Variants in MDGA2 observed in about 807,000 individuals in gnomAD.
MDGA2 encodes MAM domain-containing glycosylphosphatidylinositol anchor protein 2.
Under a neutral mutation model 117.8 loss-of-function variants are expected in MDGA2, and 40 were observed. The ratio of observed to expected loss-of-function variants is 0.34; its 90% CI spans 0.26 to 0.44. The LOEUF is 0.44. MDGA2 is among the 20% of genes least tolerant of loss of function. The pLI, the probability that MDGA2 is intolerant of heterozygous loss-of-function variation, is 1.00. For missense variants in MDGA2, 1,123 were observed against 1,250.6 expected (o/e 0.90, Z 1.54); for synonymous variants, 452 against 439.0 (o/e 1.03, Z -0.37).
chr14:46,954,104 G>C (rs1026896863), intron 9 of MDGA2, among the ~76,000 whole-genome samples: 1 of 151,990 alleles, frequency 6.6e-6, no homozygotes, highest in African/African-American at 2.4e-5. Flanking sequence ...GTCTACTGAT[G>C]TAGGTGACCT....
chr14:47,456,031 A>G (rs1234507435), intron 1 of MDGA2, among the ~76,000 whole-genome samples: 1 of 151,834 alleles, frequency 6.6e-6, no homozygotes, highest in Admixed American at 6.6e-5. Context: ...AATAAAATAA[A>G]AATTAAAATA....
At chr14:47,186,306 A>G (rs1422862670) in intron 3 of MDGA2, among the ~76,000 whole-genome samples, 2 of 151,704 alleles carry the variant, frequency 1.3e-5, no homozygotes, top group African/African-American at 4.8e-5. Context: ...AATTTGGCTT[A>G]TTAATTTTAA....
chr14:47,648,775 TTAAAA>T lies in MDGA2; in HGVS notation c.280+25737_280+25741del, dbSNP rs900882298. Reference sequence around the variant, plus strand: ...ATATTTTGACCTAATTGAAGTGTTCTTAAAATAAAGTTCATAAGAAAGTGTTCATA... The same window carrying T: ...ATATTTTGACCTAATTGAAGTGTTCTTAAAGTTCATAAGAAAGTGTTCATA... On this transcript the variant is annotated intron_variant, in intron 1 of 16. Coordinates refer to ENST00000399232, the MANE Select transcript of MDGA2 (RefSeq NM_001113498.3). Among the ~76,000 whole-genome samples, 4 of 152,172 alleles carry T rather than the reference TTAAAA, an allele frequency of 2.6e-5. No individual in the cohort carries two copies. The East Asian group carries it at 7.7e-4, about 29-fold the overall frequency.
chr14:47,053,345 A>G (rs1889523844), intron 7 of MDGA2, among the ~76,000 whole-genome samples: 1 of 151,636 alleles, frequency 6.6e-6, no homozygotes, highest in South Asian at 2.1e-4. Flanking sequence ...GATCATCAGA[A>G]CTGATTTTCT....
chr14:47,557,382 A>G (rs1216202978), intron 1 of MDGA2, among the ~76,000 whole-genome samples: 1 of 152,164 alleles, frequency 6.6e-6, no homozygotes, highest in Non-Finnish European at 1.5e-5. Context: ...TCTCTGGGAA[A>G]ATTTAAGGGT....
intron 9 of MDGA2, among the ~76,000 whole-genome samples, chr14:46,924,772 A>C (rs1290286915): frequency 6.6e-6 from 1 of 152,138 alleles, no homozygotes; most frequent in East Asian, 1.9e-4. Context: ...TCTTTCATCT[A>C]GAAATGCTAG....
intron 6 of MDGA2, among the ~76,000 whole-genome samples, chr14:47,072,101 TGG>T (rs71448163): frequency 7.7e-5 from 4 of 51,658 alleles, no homozygotes; most frequent in South Asian, 8.4e-4. Flanking sequence ...TGTTGTTGTT[TGG>T]GGGGGGGGGG....
At chr14:47,408,927 T>C (rs1892315637) in intron 1 of MDGA2, among the ~76,000 whole-genome samples, 1 of 152,030 alleles carries the variant, frequency 6.6e-6, no homozygotes, top group South Asian at 2.1e-4. Context: ...GGTGGACACA[T>C]GAAAGAAGTC....
At chr14:47,025,690 T>C (rs944047927) in intron 8 of MDGA2, among the ~76,000 whole-genome samples, 1 of 147,706 alleles carries the variant, frequency 6.8e-6, no homozygotes, top group Admixed American at 6.9e-5. Flanking sequence ...ATAAACAAGC[T>C]AGAGCCTCCT....
chr14:47,134,926 T>C (rs534125311), intron 4 of MDGA2, among the ~76,000 whole-genome samples: 1 of 152,070 alleles, frequency 6.6e-6, no homozygotes, highest in Admixed American at 6.5e-5. Flanking sequence ...ATGAACATTG[T>C]CATTTAGATG....
At chr14:47,314,138 G>A (rs1348813737) in intron 1 of MDGA2, among the ~76,000 whole-genome samples, 1 of 152,106 alleles carries the variant, frequency 6.6e-6, no homozygotes, top group Non-Finnish European at 1.5e-5. Context: ...GTCACACTGG[G>A]CAAATGGTTT....
At chr14:47,175,923 CCTT>C (rs1267564022) in intron 3 of MDGA2, among the ~76,000 whole-genome samples, 4 of 152,076 alleles carry the variant, frequency 2.6e-5, no homozygotes, top group African/African-American at 9.7e-5. Flanking sequence ...CCCAAAATCT[CCTT>C]AAGCTGATAA....
intron 1 of MDGA2, among the ~76,000 whole-genome samples, chr14:47,560,138 G>C (rs1895769114): frequency 6.6e-6 from 1 of 151,566 alleles, no homozygotes. Context: ...TGCTATCTCG[G>C]GTCACTGCAA....
intron 1 of MDGA2, among the ~76,000 whole-genome samples, chr14:47,448,410 G>A (rs1893172626): frequency 6.6e-6 from 1 of 152,090 alleles, no homozygotes; most frequent in African/African-American, 2.4e-5. Context: ...AAAGTGCTGG[G>A]ATTACAGGCG....
chr14:47,606,417 G>T (rs1896744738), intron 1 of MDGA2, among the ~76,000 whole-genome samples: 1 of 152,168 alleles, frequency 6.6e-6, no homozygotes. Flanking sequence ...TATCTATTGT[G>T]TGGAACACAA....
intron 1 of MDGA2, among the ~76,000 whole-genome samples, chr14:47,429,484 A>T (rs1050258471): frequency 1.3e-5 from 2 of 151,968 alleles, no homozygotes; most frequent in Admixed American, 6.6e-5. Context: ...TTTCCATGGC[A>T]TTCTTCTCTC....
At chr14:46,871,411 A>G (rs1163315387) in intron 14 of MDGA2, 2 of 151,944 alleles carry the variant, frequency 1.3e-5, no homozygotes, top group Non-Finnish European at 2.9e-5. Context: ...TTATGGCTTC[A>G]CTACTTAGCC....
At chr14:47,491,603 G>C (rs1055723039) in intron 1 of MDGA2, among the ~76,000 whole-genome samples, 2 of 152,144 alleles carry the variant, frequency 1.3e-5, no homozygotes, top group East Asian at 3.8e-4. Flanking sequence ...ATGGAGGCCT[G>C]AGAAGGTGTA....
chr14:47,577,039 C>T (rs1024685759), intron 1 of MDGA2, among the ~76,000 whole-genome samples: 1 of 152,116 alleles, frequency 6.6e-6, no homozygotes, highest in Admixed American at 6.6e-5. Context: ...GCACGAGCCA[C>T]CATGCCCAGC....
Sources: gnomAD v4.1 joint callset for allele counts (sites outside exome capture counted in the v4.1 genomes callset) on GRCh38, gnomAD v4.1.1 for gene constraint, MANE v1.5 for transcripts, NCBI Gene and HGNC (gene_info 2026-07-23, HGNC 2026-07-21) for gene names.